ANK3: variants seen among roughly 807,000 people sequenced by gnomAD.
The protein encoded by ANK3 is ankyrin 3.
Under a neutral mutation model 370.9 loss-of-function variants are expected in ANK3, and 57 were observed. The observed-to-expected ratio is 0.15, with a 90% CI of 0.12 to 0.19. The LOEUF is 0.19. Ranked by LOEUF, ANK3 falls within the 10% of genes least tolerant of loss-of-function variation. The probability of loss-of-function intolerance (pLI) is 1.00; values close to 1 mark genes in which losing one functional copy is unlikely to be tolerated. For synonymous variants in ANK3, 1,929 were observed against 1,946.3 expected (o/e 0.99, Z 0.23); for missense variants, 4,439 against 5,302.1 (o/e 0.84, Z 5.06).
chr10:60,296,526 A>G (rs2042550269), intron 1 of ANK3, among the ~76,000 whole-genome samples: 2 of 152,234 alleles, frequency 1.3e-5, no homozygotes, highest in Admixed American at 6.5e-5. Context: ...ATTTTAAAAT[A>G]GTCTCTTGTT....
intron 7 of ANK3, among the ~76,000 whole-genome samples, chr10:60,246,286 A>AAAAAAAAAAAAAAG (rs1565961708): frequency 8.1e-6 from 1 of 123,460 alleles, no homozygotes; most frequent in Non-Finnish European, 1.8e-5. Flanking sequence ...AAAAAAGAAA[A>AAAAAAAAAAAAAAG]AAGAAAAAAA....
At chr10:60,631,440 G>A (rs1040706259) in intron 1 of ANK3, among the ~76,000 whole-genome samples, 4 of 152,032 alleles carry the variant, frequency 2.6e-5, no homozygotes, top group Non-Finnish European at 4.4e-5. Flanking sequence ...GCTGCGGCAC[G>A]AGAATTGCTT....
chr10:60,150,022 G>T (rs1440340421), intron 23 of ANK3, among the ~76,000 whole-genome samples: 1 of 152,144 alleles, frequency 6.6e-6, no homozygotes, highest in African/African-American at 2.4e-5. Flanking sequence ...TATACCACTT[G>T]TGCTCTTTTG....
At chr10:60,080,419 C>T in intron 36 of ANK3, 118 bp downstream of exon 36, 1 of 870,918 alleles carries the variant, frequency 1.1e-6, no homozygotes, top group Non-Finnish European at 1.8e-6. Context: ...CAGGGTTTTC[C>T]TGCAGGCAAT....
chr10:60,710,140 C>T (rs1589060804), intron 1 of ANK3, among the ~76,000 whole-genome samples: 1 of 152,112 alleles, frequency 6.6e-6, no homozygotes, highest in South Asian at 2.1e-4. Context: ...GTGAAAAATA[C>T]ATAAGAACTA....
In ANK3 at chr10:60,262,282, G is replaced by T. The variant is rs117249040; in HGVS notation, c.700-325C>A. ...ATCTTTATAGCTGATAGCTTGATTA[G>T]TGCCGCTGTTTTATTACTGACGATA... On this transcript the variant is annotated intron_variant, in intron 6 of 43. Transcript: ENST00000280772. Among the ~76,000 whole-genome samples, 171 of 152,318 alleles carry T rather than the reference G, an allele frequency of 1.1e-3. 2 individuals are homozygous for T. The East Asian group carries it at 0.017, about 15-fold the overall frequency.
chr10:60,550,928 G>A (rs192974882), intron 2 of ANK3, among the ~76,000 whole-genome samples: 37 of 152,162 alleles, frequency 2.4e-4, no homozygotes, highest in Admixed American at 9.2e-4. Flanking sequence ...CTCTTCAGGA[G>A]TGAGGCTTCC....
Position 60,260,532 on chromosome 10 carries a change from G to A in ANK3, c.798+1327C>T, listed in dbSNP as rs544669002. 4.8e-4 allele frequency among the ~76,000 whole-genome samples: 73 copies of A among 152,254 alleles called. No homozygotes were observed. In the South Asian group the frequency reaches 0.015, roughly 32 times the overall value. Reference sequence around the variant, plus strand: ...AAATAACAGTGCTGCTTGATATTGTGTAGATGTATGTCCCCACCCAAATCT... The same window carrying A: ...AAATAACAGTGCTGCTTGATATTGTATAGATGTATGTCCCCACCCAAATCT... On this transcript the variant is annotated intron_variant, in intron 7 of 43. Coordinates refer to ENST00000280772, the MANE Select transcript of ANK3 (RefSeq NM_020987.5).
chr10:60,419,357 T>A (rs2063733314), intron 2 of ANK3, among the ~76,000 whole-genome samples: 1 of 152,122 alleles, frequency 6.6e-6, no homozygotes, highest in African/African-American at 2.4e-5. Flanking sequence ...GCTCCTACTC[T>A]GACAGTCTAT....
intron 2 of ANK3, among the ~76,000 whole-genome samples, chr10:60,544,738 A>C (rs755589051): frequency 2.0e-4 from 30 of 152,242 alleles, no homozygotes; most frequent in African/African-American, 7.0e-4. Context: ...TGTCTTGATC[A>C]TTTTGTTTGT....
intron 2 of ANK3, among the ~76,000 whole-genome samples, chr10:60,434,745 A>C (rs575202809): frequency 6.6e-6 from 1 of 152,238 alleles, no homozygotes; most frequent in South Asian, 2.1e-4. Flanking sequence ...CAGTGTATGC[A>C]TTTTTGCAGA....
intron 1 of ANK3, 45 bp from the exon 2 acceptor site, chr10:60,279,684 A>G: frequency 5.6e-6 from 8 of 1,429,766 alleles, no homozygotes; most frequent in Non-Finnish European, 6.9e-6. Context: ...TGAAGCTAAT[A>G]TGCATGTTTA....
At chr10:60,278,982 T>A in intron 3 of ANK3, 68 bp downstream of exon 3, 3 of 1,565,148 alleles carry the variant, frequency 1.9e-6, no homozygotes, top group Non-Finnish European at 2.6e-6. Context: ...GCCCCCATTC[T>A]TACTGAGGGC....
intron 2 of ANK3, among the ~76,000 whole-genome samples, chr10:60,432,786 T>C (rs1050514613): frequency 2.6e-5 from 4 of 152,158 alleles, no homozygotes; most frequent in African/African-American, 9.7e-5. Flanking sequence ...GATCTTGCAG[T>C]AATGAGGAGA....
At chr10:60,728,125 G>A (rs1402921209) in intron 1 of ANK3, among the ~76,000 whole-genome samples, 1 of 151,878 alleles carries the variant, frequency 6.6e-6, no homozygotes, top group Non-Finnish European at 1.5e-5. Context: ...TTTTCTTTTA[G>A]GGACATTTTA....
At position 60,075,629 on chromosome 10, in the gene ANK3, G is replaced by C. The variant is rs769637500; in HGVS notation, c.5252C>G (p.Ser1751Cys). ...LQEKISSATN[S>C]VSSVVSAATD... ...GGCTGCACTGACCACAGAGCTCACA[G>C]AGTTTGTAGCAGAAGAAATTTTTTC... Residue 1751 changes from serine to cysteine, a missense_variant, in exon 37 of 44, where the codon TCT (serine) becomes TGT (cysteine). By Grantham distance (112) the Ser-to-Cys change is moderately radical (BLOSUM62 -1). Coordinates refer to ENST00000280772, the MANE Select transcript of ANK3 (RefSeq NM_020987.5). The C allele has an allele frequency of 6.2e-7, 1 of 1,614,108 alleles. No individual in the cohort carries two copies. Among genetic ancestry groups the C allele is most frequent in the Non-Finnish European group, 8.5e-7 (1 of 1,179,994 alleles).
intron 3 of ANK3, 70 bp from the exon 4 acceptor site, chr10:60,278,942 C>T (rs1177614785): frequency 2.5e-6 from 4 of 1,570,446 alleles, no homozygotes; most frequent in Non-Finnish European, 2.6e-6. Flanking sequence ...CCAAAGAGAA[C>T]AAATTTGACA....
intron 1 of ANK3, among the ~76,000 whole-genome samples, chr10:60,350,456 G>A (rs2056619259): frequency 6.6e-6 from 1 of 152,136 alleles, no homozygotes; most frequent in Admixed American, 6.5e-5. Flanking sequence ...TTACAAATGT[G>A]GGCAGACAGG....
chr10:60,229,315 T>G (rs889887289), intron 8 of ANK3, among the ~76,000 whole-genome samples: 11 of 152,208 alleles, frequency 7.2e-5, no homozygotes, highest in Admixed American at 6.5e-4. Context: ...CTTGTCAACA[T>G]ATCTATTTTA....
Sources: gnomAD v4.1 joint callset for allele counts (sites outside exome capture counted in the v4.1 genomes callset) on GRCh38, gnomAD v4.1.1 for gene constraint, MANE v1.5 for transcripts, NCBI Gene and HGNC (gene_info 2026-07-23, HGNC 2026-07-21) for gene names.